The following DNAJC9 variants were observed in gnomAD, a reference collection of about 807,000 sequenced individuals.
The protein encoded by DNAJC9 is DnaJ heat shock protein family (Hsp40) member C9.
Under a neutral mutation model 32.4 loss-of-function variants are expected in DNAJC9, and 18 were observed. The observed-to-expected ratio is 0.56, with a 90% CI of 0.38 to 0.82. The LOEUF (loss-of-function observed/expected upper bound fraction) is 0.82, where lower values mean the gene tolerates loss of function less well. Among genes scored for constraint, DNAJC9 ranks in the 40% least tolerant of loss-of-function variants. The probability of loss-of-function intolerance (pLI) is 0.00; values close to 1 mark genes in which losing one functional copy is unlikely to be tolerated. For missense variants in DNAJC9, 310 were observed against 321.8 expected (o/e 0.96, Z 0.28); for synonymous variants, 113 against 122.1 (o/e 0.93, Z 0.49).
At chr10:73,239,381 G>A, downstream of DNAJC9, 9 of 1,551,260 alleles carry the variant, frequency 5.8e-6, no homozygotes, top group African/African-American at 2.7e-5. Flanking sequence ...CAGGGGATCT[G>A]CAGGTAAAGG....
Position 73,246,672 on chromosome 10 carries a change from C to T in DNAJC9, c.321+16G>A. ...ATGATGGTAACAGTCACAAAGAAAC[C>T]TCCAGAGTCCTTTACCTTTTTAAAG... On this transcript the variant is annotated intron_variant, in intron 2 of 4. Transcript: ENST00000372950. 1 of 1,613,774 alleles carries T rather than the reference C, an allele frequency of 6.2e-7. No homozygotes were observed. Among genetic ancestry groups the T allele is most frequent in the Non-Finnish European group, 8.5e-7 (1 of 1,179,774 alleles).
At chr10:73,241,531 T>C (rs1342619414), downstream of DNAJC9, 1 of 157,600 alleles carries the variant, frequency 6.3e-6, no homozygotes, top group African/African-American at 2.4e-5. Context: ...TGTCCTACCC[T>C]ATCAGCAGAT....
At chr10:73,233,157 C>T (rs771923238) in intron 2 of DNAJC9, 3 of 1,549,122 alleles carry the variant, frequency 1.9e-6, no homozygotes, top group Non-Finnish European at 2.6e-6. Context: ...CTCAGAGGAG[C>T]CCGAGTGTAG....
At chr10:73,239,453 T>C, downstream of DNAJC9, 1 of 1,133,242 alleles carries the variant, frequency 8.8e-7, no homozygotes, top group Non-Finnish European at 1.3e-6. Context: ...TTGTCTTTTT[T>C]CCTACACCTA....
downstream of DNAJC9, chr10:73,239,441 C>T: frequency 1.5e-6 from 2 of 1,342,426 alleles, no homozygotes; most frequent in Non-Finnish European, 2.1e-6. Context: ...AAGACCCAGC[C>T]TTTGTCTTTT....
At position 73,242,546 on chromosome 10, in the gene DNAJC9, T is replaced by C. The variant is rs1461156302; in HGVS notation, c.*854A>G. The C allele has an allele frequency of 6.7e-6, 1 of 149,828 alleles. No individual in the cohort carries two copies. Among genetic ancestry groups the C allele is most frequent in the East Asian group, 2.1e-4 (1 of 4,732 alleles). The allele number at this position is 149,828 out of a possible 1,614,324, so 9.3% of individuals were successfully genotyped here. A position where few individuals can be genotyped will look rare whatever the true frequency, so the allele number is the denominator to read the frequency against. On this transcript the variant is annotated 3_prime_UTR_variant, in exon 5 of 5. Coordinates refer to ENST00000372950, the MANE Select transcript of DNAJC9 (RefSeq NM_015190.5). ...GTTTAATACATACAGTTTGACAAAT[T>C]TGGATTTCACTCTTTGTTTTGATGT...
At chr10:73,233,133 C>A in intron 2 of DNAJC9, 1 of 1,551,732 alleles carries the variant, frequency 6.4e-7, no homozygotes, top group Non-Finnish European at 8.7e-7. Context: ...ACACCAAGAT[C>A]TGTGGAAGAA....
chr10:73,245,368 A>C (rs1564723320), intron 3 of DNAJC9, among the ~76,000 whole-genome samples: 2 of 120,986 alleles, frequency 1.7e-5, no homozygotes, highest in African/African-American at 3.1e-5. Context: ...CCTCACCCCC[A>C]CTGTCACTGG....
downstream of DNAJC9, among the ~76,000 whole-genome samples, chr10:73,238,555 A>AT (rs1564719308): frequency 6.6e-6 from 1 of 152,246 alleles, no homozygotes; most frequent in South Asian, 2.1e-4. Context: ...CCTTCATACC[A>AT]TAACAGCGAA....
chr10:73,234,986 T>C (rs191041721), downstream of DNAJC9: 2 of 1,540,326 alleles, frequency 1.3e-6, no homozygotes, highest in African/African-American at 2.7e-5. Flanking sequence ...CCATACAACC[T>C]AATGGGCAGT....
intron 2 of DNAJC9, among the ~76,000 whole-genome samples, chr10:73,232,640 C>T (rs1301761930): frequency 6.6e-6 from 1 of 152,216 alleles, no homozygotes; most frequent in Non-Finnish European, 1.5e-5. Flanking sequence ...TTCAGGCTTG[C>T]CTTCACTGGT....
At chr10:73,234,836 C>A (rs112273035), downstream of DNAJC9, 8 of 1,551,644 alleles carry the variant, frequency 5.2e-6, no homozygotes, top group African/African-American at 2.7e-5. Context: ...ACCCGACTCG[C>A]TCTCCTCTCC....
intron 3 of DNAJC9, 148 bp downstream of exon 3, chr10:73,245,774 T>A: frequency 1.1e-6 from 1 of 893,856 alleles, no homozygotes; most frequent in South Asian, 1.9e-5. Flanking sequence ...GATGAACTGG[T>A]ATGCCCATTT....
In DNAJC9 at chr10:73,246,766, C is replaced by CT. The variant is rs780687596; in HGVS notation, c.242dup (p.Thr83AsnfsTer24). ...CAGGAGAGTCCTCGTCCACTGTTCCCTGCTCATCGTACACTGCTCTCTGTT... is the reference window on the plus strand; with the variant it reads ...CAGGAGAGTCCTCGTCCACTGTTCCCTTGCTCATCGTACACTGCTCTCTGTT... On this transcript the variant is annotated frameshift_variant, in exon 2 of 5. Coordinates refer to ENST00000372950, the MANE Select transcript of DNAJC9 (RefSeq NM_015190.5). LOFTEE classifies it high-confidence loss of function. 2 of 1,614,166 alleles carry CT rather than the reference C, an allele frequency of 1.2e-6. No individual in the cohort carries two copies. Among genetic ancestry groups the CT allele is most frequent in the Non-Finnish European group, 8.5e-7 (1 of 1,180,006 alleles).
chr10:73,243,974 T>C, intron 3 of DNAJC9, 45 bp from the exon 4 acceptor site: 1 of 1,483,778 alleles, frequency 6.7e-7, no homozygotes, highest in Non-Finnish European at 9.3e-7. Context: ...CAGGAAATGC[T>C]TAAAATACAT....
intron 2 of DNAJC9, chr10:73,233,006 A>G (rs1564715267): frequency 2.6e-6 from 4 of 1,552,026 alleles, no homozygotes; most frequent in Middle Eastern, 1.7e-4. Flanking sequence ...AAATTGGCCA[A>G]ATCGAGCTGT....
chr10:73,237,778 T>G (rs1296019132), downstream of DNAJC9, among the ~76,000 whole-genome samples: 1 of 151,728 alleles, frequency 6.6e-6, no homozygotes, highest in Non-Finnish European at 1.5e-5. Flanking sequence ...CAGGCTGGAG[T>G]GTAGTGGTGC....
intron 3 of DNAJC9, chr10:73,244,438 A>C (rs1404463251): frequency 6.6e-6 from 1 of 152,420 alleles, no homozygotes; most frequent in Admixed American, 6.5e-5. Context: ...TCAGGCTGCA[A>C]TAAGCTGTGA....
chr10:73,241,032 G>C (rs755086305), downstream of DNAJC9: 3 of 1,441,846 alleles, frequency 2.1e-6, no homozygotes, highest in African/African-American at 3.0e-5. Flanking sequence ...CAAATGAGAA[G>C]AATCTATCAG....
Sources: allele counts gnomAD v4.1 joint callset (sites outside exome capture counted in the v4.1 genomes callset), GRCh38; gene constraint gnomAD v4.1.1; transcripts MANE v1.5; gene names NCBI Gene and HGNC (gene_info 2026-07-23, HGNC 2026-07-21).